The following LDB2 variants were observed in gnomAD, a reference collection of about 807,000 sequenced individuals.
LDB2 encodes LIM domain-binding protein 2.
In LDB2, 12 loss-of-function variants were observed where a neutral mutation model predicts 44.3. The observed-to-expected ratio is 0.27, with a 90% CI of 0.17 to 0.44. The LOEUF is 0.44. Ranked by LOEUF, LDB2 falls within the 20% of genes least tolerant of loss-of-function variation. The probability of loss-of-function intolerance (pLI) is 1.00; values close to 1 mark genes in which losing one functional copy is unlikely to be tolerated. For missense variants in LDB2, 344 were observed against 473.5 expected (o/e 0.73, Z 2.54); for synonymous variants, 164 against 174.8 (o/e 0.94, Z 0.49).
intron 1 of LDB2, among the ~76,000 whole-genome samples, chr4:16,777,479 G>A (rs573282654): frequency 2.0e-5 from 3 of 152,238 alleles, no homozygotes; most frequent in Admixed American, 2.0e-4. Context: ...GTGGGAGGCT[G>A]AAGATGAAGC....
At chr4:16,804,575 G>A (rs1778441998) in intron 1 of LDB2, among the ~76,000 whole-genome samples, 2 of 152,138 alleles carry the variant, frequency 1.3e-5, no homozygotes, top group South Asian at 4.1e-4. Flanking sequence ...AGAATATAAA[G>A]CTCATATGAC....
At chr4:16,548,601 G>A (rs1467721697) in intron 5 of LDB2, among the ~76,000 whole-genome samples, 1 of 152,212 alleles carries the variant, frequency 6.6e-6, no homozygotes, top group Admixed American at 6.5e-5. Context: ...AAGTAGGGGT[G>A]CAGGGAATCT....
rs547035177 is a variant in LDB2, at chr4:16,624,366, G to C, written c.236-28491C>G. On this transcript the variant is annotated intron_variant, in intron 2 of 7. Transcript: ENST00000304523. ...CCTGCCTCAGTCTCCCAAAGTGCTAGGATTACAGGCATGAGCCACCATGCC... is the reference window on the plus strand; with the variant it reads ...CCTGCCTCAGTCTCCCAAAGTGCTACGATTACAGGCATGAGCCACCATGCC... Among the ~76,000 whole-genome samples, 5 of 151,998 alleles carry C rather than the reference G, an allele frequency of 3.3e-5. No individual in the cohort carries two copies. In the East Asian group the frequency reaches 9.6e-4, roughly 29 times the overall value.
chr4:16,858,024 C>A (rs1789716011), intron 1 of LDB2, among the ~76,000 whole-genome samples: 1 of 151,670 alleles, frequency 6.6e-6, no homozygotes, highest in African/African-American at 2.4e-5. Flanking sequence ...ATAATACTGT[C>A]CCTCACAAGA....
At chr4:16,683,729 A>C (rs1176252182) in intron 2 of LDB2, among the ~76,000 whole-genome samples, 1 of 152,234 alleles carries the variant, frequency 6.6e-6, no homozygotes, top group African/African-American at 2.4e-5. Context: ...TAGATTCCAT[A>C]ATAGATGAAC....
intron 2 of LDB2, chr4:16,726,534 A>G (rs1561010089): frequency 6.6e-6 from 1 of 152,226 alleles, no homozygotes; most frequent in Non-Finnish European, 1.5e-5. Flanking sequence ...GAATTTGTTC[A>G]AACCCAAATG....
chr4:16,876,073 A>C (rs1370368314), intron 1 of LDB2, among the ~76,000 whole-genome samples: 1 of 152,160 alleles, frequency 6.6e-6, no homozygotes, highest in Non-Finnish European at 1.5e-5. Context: ...CCACCCTCCT[A>C]TTGGGCCATT....
At chr4:16,628,973 G>C (rs899054957) in intron 2 of LDB2, among the ~76,000 whole-genome samples, 1 of 152,234 alleles carries the variant, frequency 6.6e-6, no homozygotes, top group African/African-American at 2.4e-5. Context: ...GGCTCAGTGG[G>C]TCCCATGCCC....
intron 2 of LDB2, among the ~76,000 whole-genome samples, chr4:16,617,243 T>C (rs1032554199): frequency 1.2e-4 from 18 of 151,880 alleles, no homozygotes; most frequent in African/African-American, 3.4e-4. Context: ...AGGCACTTTA[T>C]AGAAACAAAC....
At chr4:16,801,083 T>G (rs1371203699) in intron 1 of LDB2, among the ~76,000 whole-genome samples, 1 of 152,208 alleles carries the variant, frequency 6.6e-6, no homozygotes, top group East Asian at 1.9e-4. Context: ...CCCATCTTGG[T>G]TGGCAAGCTT....
chr4:16,807,579 A>C lies in LDB2; in HGVS notation c.133-48319T>G, dbSNP rs550246141. Among the ~76,000 whole-genome samples the C allele has an allele frequency of 7.9e-5, 12 of 152,336 alleles. No individual in the cohort carries two copies. The East Asian group carries it at 2.1e-3, about 27-fold the overall frequency. On this transcript the variant is annotated intron_variant, in intron 1 of 7. Transcript: ENST00000304523. ...GGAATAGCAGCTGTTGGTGAATCAC[A>C]AAAGATCATTGGCTGCTTACAGCTA...
intron 1 of LDB2, among the ~76,000 whole-genome samples, chr4:16,871,098 TAAAC>T (rs1032897555): frequency 1.3e-5 from 2 of 152,210 alleles, no homozygotes; most frequent in Non-Finnish European, 2.9e-5. Flanking sequence ...AACTTCCAAT[TAAAC>T]AAATCATACT....
At chr4:16,543,917 G>GA (rs1367744825) in intron 5 of LDB2, among the ~76,000 whole-genome samples, 1 of 152,044 alleles carries the variant, frequency 6.6e-6, no homozygotes, top group Non-Finnish European at 1.5e-5. Context: ...AAATTTACAA[G>GA]AAAAAAATCA....
intron 1 of LDB2, among the ~76,000 whole-genome samples, chr4:16,871,241 C>T (rs932269952): frequency 1.3e-5 from 2 of 152,196 alleles, no homozygotes; most frequent in African/African-American, 4.8e-5. Context: ...TGTCTTTTCT[C>T]AACCCCACAC....
intron 1 of LDB2, among the ~76,000 whole-genome samples, chr4:16,772,974 G>A (rs1299266949): frequency 6.6e-6 from 1 of 152,194 alleles, no homozygotes; most frequent in Non-Finnish European, 1.5e-5. Flanking sequence ...ATAAGTATCT[G>A]GTAGATACGG....
intron 1 of LDB2, among the ~76,000 whole-genome samples, chr4:16,795,053 C>T (rs1284751959): frequency 6.6e-6 from 1 of 152,020 alleles, no homozygotes; most frequent in African/African-American, 2.4e-5. Context: ...GCGCTAGGAG[C>T]GGGGAAGACA....
rs77461379 is a variant in LDB2 at position 16,526,394 on chromosome 4, C to G, written c.616-14290G>C. On this transcript the variant is annotated intron_variant, in intron 5 of 7. Coordinates refer to ENST00000304523, the MANE Select transcript of LDB2 (RefSeq NM_001290.5). ...TTCGGTCTGGGAGTGAGAATTACCC[C>G]CTTGGCTTCCCTGGCTCTGTAGCTT... Among the ~76,000 whole-genome samples, 492 of 152,328 alleles carry G rather than the reference C, an allele frequency of 3.2e-3. 3 individuals carry two copies. Among genetic ancestry groups the G allele is most frequent in the African/African-American group, 0.011 (448 of 41,584 alleles).
At chr4:16,525,509 T>C (rs756685602) in intron 5 of LDB2, among the ~76,000 whole-genome samples, 32 of 152,314 alleles carry the variant, frequency 2.1e-4, no homozygotes, top group African/African-American at 7.7e-4. Flanking sequence ...AGATTCATGT[T>C]GATGATGCCA....
chr4:16,614,573 GAAAAAACAAAAAAAA>G (rs1726612834), intron 2 of LDB2, among the ~76,000 whole-genome samples: 1 of 26,770 alleles, frequency 3.7e-5, no homozygotes, highest in Admixed American at 4.2e-4. Flanking sequence ...ACATTTACAA[GAAAAAACAAAAAAAA>G]AAAAAAAAAA....
Sources: gnomAD v4.1 joint callset for allele counts (sites outside exome capture counted in the v4.1 genomes callset) on GRCh38, gnomAD v4.1.1 for gene constraint, MANE v1.5 for transcripts, NCBI Gene and HGNC (gene_info 2026-07-23, HGNC 2026-07-21) for gene names.